The following NFKB1 variants were observed in gnomAD, a reference collection of about 807,000 sequenced individuals.
NFKB1 encodes the protein nuclear factor kappa B subunit 1, also known as nuclear factor NF-kappa-B p105 subunit.
NFKB1 carries 9 observed loss-of-function variants against 105.1 expected under a neutral mutation model. That is an observed-to-expected ratio of 0.09 (90% CI 0.05 to 0.15). The LOEUF (loss-of-function observed/expected upper bound fraction) is 0.15, where lower values mean the gene tolerates loss of function less well. Among genes scored for constraint, NFKB1 ranks in the 10% least tolerant of loss-of-function variants. The pLI is 1.00. For missense variants in NFKB1, 830 were observed against 1,203.7 expected (o/e 0.69, Z 4.59); for synonymous variants, 440 against 442.2 (o/e 1.00, Z 0.06).
chr4:102,560,838 G>A (rs1433881584), intron 5 of NFKB1, among the ~76,000 whole-genome samples: 1 of 152,324 alleles, frequency 6.6e-6, no homozygotes, highest in East Asian at 1.9e-4. Flanking sequence ...ACAAATAATA[G>A]AGAAGGAAAG....
At chr4:102,593,356 G>T (rs1726326830) in intron 11 of NFKB1, 69 bp from the exon 12 acceptor site, 1 of 1,353,248 alleles carries the variant, frequency 7.4e-7, no homozygotes, top group South Asian at 1.3e-5. Context: ...AGAATCAGTG[G>T]TCTTTCTGTG....
chr4:102,507,454 A>ATTTTTTT (rs1382064834), intron 1 of NFKB1, among the ~76,000 whole-genome samples: 9 of 149,542 alleles, frequency 6.0e-5, no homozygotes, highest in African/African-American at 2.0e-4. Context: ...TTTTTTTGTA[A>ATTTTTTT]TTTATTTTTT....
At chr4:102,572,715 G>T (rs897595127) in intron 6 of NFKB1, among the ~76,000 whole-genome samples, 11 of 152,292 alleles carry the variant, frequency 7.2e-5, no homozygotes, top group African/African-American at 2.6e-4. Context: ...TTTTCCATAT[G>T]TTTGTTGGTG....
In NFKB1 at chr4:102,597,469, A is replaced by G. The variant is rs772938879; in HGVS notation, c.1496-51A>G. The G allele has an allele frequency of 9.6e-6, 15 of 1,558,476 alleles. No individual in the cohort carries two copies. In the Admixed American group the frequency reaches 1.6e-4, roughly 17 times the overall value. ...GTTTGTCCTTAAGCATGCCATACCC[A>G]TAAAACAAAAGTAGGAACACTCAAC... On this transcript the variant is annotated intron_variant, in intron 14 of 23. Transcript: ENST00000226574.
chr4:102,522,473 G>T (rs1560638733), intron 1 of NFKB1, among the ~76,000 whole-genome samples: 1 of 152,172 alleles, frequency 6.6e-6, no homozygotes, highest in Non-Finnish European at 1.5e-5. Flanking sequence ...TGAAGGGGAA[G>T]ATCATGTTTA....
At chr4:102,537,997 A>G (rs200990909) in intron 5 of NFKB1, 41 bp downstream of exon 5, 3 of 1,282,178 alleles carry the variant, frequency 2.3e-6, no homozygotes, top group African/African-American at 1.5e-5. Flanking sequence ...AATTCTGGAA[A>G]TTTTGATTTC....
At chr4:102,608,640 T>C (rs929441492) in intron 19 of NFKB1, among the ~76,000 whole-genome samples, 11 of 146,702 alleles carry the variant, frequency 7.5e-5, no homozygotes, top group Non-Finnish European at 1.6e-4. Context: ...CCCTGACATA[T>C]CTGATATACT....
chr4:102,596,120 T>C lies in NFKB1; in HGVS notation c.1301-18T>C, dbSNP rs572147578. 3.3e-6 allele frequency: 5 copies of C among 1,496,642 alleles called. No homozygotes were observed. In the East Asian group the frequency reaches 1.1e-4, roughly 34 times the overall value. The allele number at this position is 1,496,642 out of a possible 1,614,324, so 92.7% of individuals were successfully genotyped here. On this transcript the variant is annotated intron_variant, in intron 13 of 23. Transcript: ENST00000226574. ...ACATTTTACTGAGAAAAATCTGATG[T>C]TTTTGCATTTATCTTAGGAACCATG...
chr4:102,577,020 A>G lies in NFKB1; in HGVS notation c.552A>G (p.Gly184=). Residue 184 remains glycine (G), a synonymous_variant, in exon 7 of 24, where the codon GGA becomes GGG. Transcript: ENST00000226574. ...PDLAYLQAEG[G]GDRQLGDREK... ...TTGCCTATTTGCAAGCAGAAGGTGG[A>G]GGGGACCGGCAGCTGGGAGGTAAGC... is the stretch of plus-strand genomic sequence containing the variant. 6.2e-7 allele frequency: 1 copy of G among 1,611,334 alleles called. No individual in the cohort carries two copies. Among genetic ancestry groups the G allele is most frequent in the Non-Finnish European group, 8.5e-7 (1 of 1,179,246 alleles).
intron 3 of NFKB1, among the ~76,000 whole-genome samples, chr4:102,533,208 T>TGG (rs1741412615): frequency 6.6e-6 from 1 of 152,120 alleles, no homozygotes; most frequent in Non-Finnish European, 1.5e-5. Flanking sequence ...ATAGACCAGA[T>TGG]TACATTGGGA....
chr4:102,605,531 C>T (rs1727636170), intron 16 of NFKB1, among the ~76,000 whole-genome samples: 1 of 152,204 alleles, frequency 6.6e-6, no homozygotes, highest in African/African-American at 2.4e-5. Context: ...AGATACATTG[C>T]TGTTCTCTGT....
intron 1 of NFKB1, among the ~76,000 whole-genome samples, chr4:102,516,458 G>A (rs1740192963): frequency 6.6e-6 from 1 of 151,672 alleles, no homozygotes; most frequent in African/African-American, 2.4e-5. Flanking sequence ...TTTTTTCTCT[G>A]TAATTCAGTT....
intron 5 of NFKB1, among the ~76,000 whole-genome samples, chr4:102,556,232 G>A (rs1722979193): frequency 2.0e-5 from 3 of 152,126 alleles, no homozygotes; most frequent in Non-Finnish European, 4.4e-5. Flanking sequence ...GGCACATTGA[G>A]CTGTAACGGT....
intron 5 of NFKB1, among the ~76,000 whole-genome samples, chr4:102,549,800 T>TCTTCTTCTC (rs1441505991): frequency 5.9e-5 from 9 of 152,306 alleles, no homozygotes; most frequent in African/African-American, 2.2e-4. Context: ...TTGACTCCTC[T>TCTTCTTCTC]CTTCTTCTCA....
Position 102,596,149 on chromosome 4 carries a change from A to G in NFKB1, c.1312A>G (p.Thr438Ala), listed in dbSNP as rs777949092. The G allele has an allele frequency of 5.6e-6, 9 of 1,595,222 alleles. No individual in the cohort carries two copies. The Admixed American group carries it at 1.2e-4, about 21-fold the overall frequency. ...NAGMKHGTMD[T>A]ESKKDPEGCD... Reference sequence around the variant, plus strand: ...TGCATTTATCTTAGGAACCATGGACACTGAATCTAAAAAGGACCCTGAAGG... The same window carrying G: ...TGCATTTATCTTAGGAACCATGGACGCTGAATCTAAAAAGGACCCTGAAGG... Residue 438 changes from threonine (T) to alanine (A), a missense_variant, in exon 14 of 24, where the codon ACT becomes GCT. This residue lies in a region of NFKB1 where 163 missense variants were observed against 164.3 expected (regional missense o/e 0.99). Coordinates refer to ENST00000226574, the MANE Select transcript of NFKB1 (RefSeq NM_003998.4).
chr4:102,551,096 T>G (rs1035307589), intron 5 of NFKB1, among the ~76,000 whole-genome samples: 3 of 152,214 alleles, frequency 2.0e-5, no homozygotes, highest in African/African-American at 7.2e-5. Context: ...CCAGAACATT[T>G]CATTTGTAGA....
intron 20 of NFKB1, among the ~76,000 whole-genome samples, chr4:102,611,045 G>C (rs1396429339): frequency 6.6e-6 from 1 of 152,160 alleles, no homozygotes; most frequent in Non-Finnish European, 1.5e-5. Context: ...GTTACTGTTT[G>C]CTTAGGACTT....
intron 1 of NFKB1, among the ~76,000 whole-genome samples, chr4:102,518,736 C>G (rs1740368540): frequency 6.6e-6 from 1 of 152,168 alleles, no homozygotes. Flanking sequence ...TGTAGCTACT[C>G]AGCTGGTGCC....
chr4:102,559,780 GA>G (rs1025120748), intron 5 of NFKB1, among the ~76,000 whole-genome samples: 6 of 149,024 alleles, frequency 4.0e-5, no homozygotes, highest in African/African-American at 1.2e-4. Context: ...TGTCTATATG[GA>G]AAAAAAAATT....
Sources: gnomAD v4.1 joint callset for allele counts (sites outside exome capture counted in the v4.1 genomes callset) on GRCh38, gnomAD v4.1.1 for gene constraint, gnomAD v4.1.1 regional missense constraint, MANE v1.5 for transcripts, NCBI Gene and HGNC (gene_info 2026-07-23, HGNC 2026-07-21) for gene names.